RBM27: variants seen among roughly 807,000 people sequenced by gnomAD.
The protein encoded by RBM27 is RNA-binding protein 27.
A neutral mutation model predicts 135.3 loss-of-function variants in RBM27; 22 were observed. The observed-to-expected ratio is 0.16, with a 90% CI of 0.12 to 0.23. The LOEUF (loss-of-function observed/expected upper bound fraction) is 0.23, where lower values mean the gene tolerates loss of function less well. Among genes scored for constraint, RBM27 ranks in the 10% least tolerant of loss-of-function variants. RBM27 has a pLI of 1.00. For missense variants in RBM27, 1,009 were observed against 1,281.0 expected, an observed-to-expected ratio of 0.79 and a Z score of 3.24; for synonymous variants, 481 against 442.4, an observed-to-expected ratio of 1.09 and a Z score of -1.10.
rs73793869 is a variant in RBM27, at chr5:146,203,696, G to C, written c.-70G>C. 3 of 1,408,094 alleles carry C rather than the reference G, an allele frequency of 2.1e-6. No homozygotes were observed. Among genetic ancestry groups the C allele is most frequent in the East Asian group, 2.5e-5 (1 of 40,040 alleles). The allele number at this position is 1,408,094 out of a possible 1,614,324, so 87.2% of individuals were successfully genotyped here. ...ACCGGGAGCTGTGAAGGGAACGTGA[G>C]GGGGCGGCGTAGTGGAGACCCACGG... On this transcript the variant is annotated 5_prime_UTR_variant, in exon 1 of 21. Coordinates refer to ENST00000265271, the MANE Select transcript of RBM27 (RefSeq NM_018989.2).
chr5:146,261,413 T>C, intron 12 of RBM27, 97 bp from the exon 13 acceptor site: 1 of 1,000,638 alleles, frequency 1.0e-6, no homozygotes, highest in Non-Finnish European at 1.5e-6. Context: ...CTTTAACATG[T>C]GTATTTTGGG....
chr5:146,230,860 T>C lies in RBM27; in HGVS notation c.793T>C (p.Ser265Pro), dbSNP rs556952836. ...GTCTAATTACTATAACAATCATAGCTCTTCCAATTCTTTTGGTCGAAACCT... is the reference window on the plus strand; with the variant it reads ...GTCTAATTACTATAACAATCATAGCCCTTCCAATTCTTTTGGTCGAAACCT... ...SWSNYYNNHS[S>P]SNSFGRNLPP... Residue 265 changes from serine to proline, a missense_variant, in exon 6 of 21, where the codon TCT becomes CCT. Coordinates refer to ENST00000265271, the MANE Select transcript of RBM27 (RefSeq NM_018989.2). 2 of 1,614,140 alleles carry C rather than the reference T, an allele frequency of 1.2e-6. No homozygotes were observed. The highest frequency in any genetic ancestry group is 2.7e-5 in the African/African-American group (2 of 75,022).
chr5:146,252,588 A>G (rs866522036), intron 9 of RBM27, among the ~76,000 whole-genome samples: 3 of 152,202 alleles, frequency 2.0e-5, no homozygotes, highest in African/African-American at 7.2e-5. Context: ...GTAACTGAAA[A>G]CTTTTTAATC....
At chr5:146,234,308 T>C (rs1247070102) in intron 7 of RBM27, among the ~76,000 whole-genome samples, 12 of 152,198 alleles carry the variant, frequency 7.9e-5, no homozygotes, top group Admixed American at 7.9e-4. Context: ...TTTTTAGAAG[T>C]AGAATAGTAT....
intron 8 of RBM27, among the ~76,000 whole-genome samples, chr5:146,250,859 C>T (rs1757854853): frequency 6.9e-6 from 1 of 145,798 alleles, no homozygotes; most frequent in Non-Finnish European, 1.5e-5. Context: ...TCACTGCAAC[C>T]TCCACCTCCC....
rs1561578329 is a variant in RBM27 at position 146,289,209 on chromosome 5, T to C, written c.*3179T>C. The C allele has an allele frequency of 1.3e-5, 2 of 152,066 alleles. No homozygotes were observed. The highest frequency in any genetic ancestry group is 2.9e-5 in the Non-Finnish European group (2 of 67,942). The allele number at this position is 152,066 out of a possible 1,614,324, so 9.4% of individuals were successfully genotyped here. A position where few individuals can be genotyped will look rare whatever the true frequency, so the allele number is the denominator to read the frequency against. ...AATTTATGAACCATTCCAAAAATTA[T>C]AACAATCACCAAAAGAGCTGTAATT... On this transcript the variant is annotated 3_prime_UTR_variant, in exon 21 of 21. Transcript: ENST00000265271.
chr5:146,230,615 C>G (rs1756885890), intron 5 of RBM27, 42 bp from the exon 6 acceptor site: 1 of 1,585,834 alleles, frequency 6.3e-7, no homozygotes, highest in South Asian at 1.1e-5. Flanking sequence ...CATGAAATAT[C>G]TGATCTCTTT....
At position 146,263,567 on chromosome 5, in the gene RBM27, G is replaced by C. The variant is rs868156536; in HGVS notation, c.2267G>C (p.Gly756Ala). The C allele has an allele frequency of 1.2e-6, 2 of 1,614,042 alleles. No homozygotes were observed. Among genetic ancestry groups the C allele is most frequent in the Non-Finnish European group, 1.7e-6 (2 of 1,180,024 alleles). ...VPVKHRLGHA[G>A]GNQSDASHLL... ...GTTAAACATCGTCTTGGACATGCAG[G>C]TGGTAACCAGAGTGATGCATCACAT... is the stretch of plus-strand genomic sequence containing the variant. The change falls in exon 14 of 21, where the codon GGT (glycine) becomes GCT (alanine). Residue 756 changes from glycine to alanine, a missense_variant. Physicochemically the swap from Gly to Ala is moderately conservative, Grantham distance 60. Coordinates refer to ENST00000265271, the MANE Select transcript of RBM27 (RefSeq NM_018989.2).
chr5:146,216,768 C>T (rs995825073), intron 1 of RBM27, among the ~76,000 whole-genome samples: 2 of 152,264 alleles, frequency 1.3e-5, no homozygotes, highest in East Asian at 1.9e-4. Flanking sequence ...GGCAATGCTC[C>T]TGTCTCAGCT....
chr5:146,229,870 T>C lies in RBM27; in HGVS notation c.549T>C (p.Ser183=). The C allele has an allele frequency of 6.2e-7, 1 of 1,613,802 alleles. No homozygotes were observed. Among genetic ancestry groups the C allele is most frequent in the Non-Finnish European group, 8.5e-7 (1 of 1,179,874 alleles). Residue 183 remains serine (S), a synonymous_variant, in exon 5 of 21, where the codon AGT becomes AGC. Coordinates refer to ENST00000265271, the MANE Select transcript of RBM27 (RefSeq NM_018989.2). ...GCCTGAGTCGCAGTAGAAGCCGAAG[T>C]AGGGGGCGCAGCAAAGACCGGGATC... The part of the protein sequence containing the change: ...SRGLSRSRSR[S]RGRSKDRDPN...
At chr5:146,237,550 T>G in intron 8 of RBM27, 118 bp downstream of exon 8, 3 of 1,195,456 alleles carry the variant, frequency 2.5e-6, no homozygotes, top group Non-Finnish European at 3.6e-6. Flanking sequence ...TTCTAAAAAT[T>G]GTATTTGTGT....
At chr5:146,233,094 C>G (rs904324507) in intron 6 of RBM27, among the ~76,000 whole-genome samples, 1 of 152,026 alleles carries the variant, frequency 6.6e-6, no homozygotes, top group Non-Finnish European at 1.5e-5. Context: ...AGGTCAATGC[C>G]CTTATTCTCC....
chr5:146,221,246 TAAG>T (rs1756452038), intron 2 of RBM27, among the ~76,000 whole-genome samples: 1 of 151,930 alleles, frequency 6.6e-6, no homozygotes, highest in Non-Finnish European at 1.5e-5. Context: ...TTTAAAAGGA[TAAG>T]AAAATAAGTA....
chr5:146,259,360 C>T (rs1758262459), intron 11 of RBM27, among the ~76,000 whole-genome samples: 1 of 151,444 alleles, frequency 6.6e-6, no homozygotes, highest in African/African-American at 2.4e-5. Flanking sequence ...CAAAATTAGC[C>T]AGGTGTGGTG....
chr5:146,233,288 TG>T (rs1395793035), intron 6 of RBM27, among the ~76,000 whole-genome samples, 161 bp from the exon 7 acceptor site: 2 of 152,156 alleles, frequency 1.3e-5, no homozygotes, highest in African/African-American at 4.8e-5. Flanking sequence ...GCCTCTACCT[TG>T]GGGATATGTG....
At chr5:146,229,419 A>G (rs1756825310) in intron 4 of RBM27, among the ~76,000 whole-genome samples, 1 of 152,110 alleles carries the variant, frequency 6.6e-6, no homozygotes, top group Non-Finnish European at 1.5e-5. Context: ...TTGTTTAGGA[A>G]CACTTTTTTT....
intron 1 of RBM27, among the ~76,000 whole-genome samples, chr5:146,207,178 C>T (rs1477731553): frequency 1.3e-5 from 2 of 152,060 alleles, no homozygotes; most frequent in Admixed American, 6.6e-5. Context: ...ATAGTTGCAC[C>T]GGCTAGGTTG....
intron 11 of RBM27, among the ~76,000 whole-genome samples, chr5:146,260,267 C>A (rs1298162383): frequency 2.0e-5 from 3 of 151,536 alleles, no homozygotes; most frequent in African/African-American, 7.3e-5. Context: ...CCACGGCACT[C>A]CAGCCTGGGC....
rs1365046165 is a variant in RBM27 at position 146,224,986 on chromosome 5, T to C, written c.303+1459T>C. Among the ~76,000 whole-genome samples the C allele has an allele frequency of 2.6e-5, 4 of 152,238 alleles. No homozygotes were observed. The East Asian group carries it at 7.7e-4, about 29-fold the overall frequency. On this transcript the variant is annotated intron_variant, in intron 3 of 20. Coordinates refer to ENST00000265271, the MANE Select transcript of RBM27 (RefSeq NM_018989.2). ...TACTTCAGTGTGTATTTCCTACATA[T>C]AAGGAATATTCTCTTAGGTAACTAT...
Sources: gnomAD v4.1 joint callset for allele counts (sites outside exome capture counted in the v4.1 genomes callset) on GRCh38, gnomAD v4.1.1 for gene constraint, MANE v1.5 for transcripts, NCBI Gene and HGNC (gene_info 2026-07-23, HGNC 2026-07-21) for gene names.